The following DPP10 variants were observed in gnomAD, a reference collection of about 807,000 sequenced individuals.
The protein encoded by DPP10 is dipeptidyl peptidase like 10, also known as inactive dipeptidyl peptidase 10.
Under a neutral mutation model 120.9 loss-of-function variants are expected in DPP10, and 33 were observed. That is an observed-to-expected ratio of 0.27 (90% CI 0.21 to 0.37). DPP10 has a LOEUF of 0.37. Among genes scored for constraint, DPP10 ranks in the 10% least tolerant of loss-of-function variants. DPP10 has a pLI of 1.00. For synonymous variants in DPP10, 337 were observed against 326.1 expected, an observed-to-expected ratio of 1.03 and a Z score of -0.36; for missense variants, 816 against 942.8, an observed-to-expected ratio of 0.87 and a Z score of 1.76.
chr2:115,776,672 T>TA (rs755481258), intron 13 of DPP10, among the ~76,000 whole-genome samples: 41 of 152,268 alleles, frequency 2.7e-4, no homozygotes, highest in Non-Finnish European at 4.9e-4. Context: ...ACCTGTTTTT[T>TA]ACATATTAAA....
intron 1 of DPP10, among the ~76,000 whole-genome samples, chr2:115,189,123 C>A (rs191156274): frequency 9.2e-5 from 14 of 152,190 alleles, no homozygotes; most frequent in Admixed American, 9.2e-4. Context: ...AGTTTTACTT[C>A]TATAGAAGGG....
intron 1 of DPP10, among the ~76,000 whole-genome samples, chr2:114,979,770 C>A (rs1367254170): frequency 3.3e-5 from 5 of 151,872 alleles, no homozygotes; most frequent in Non-Finnish European, 7.4e-5. Context: ...AGTAAATATA[C>A]CAGTAAATTA....
intron 1 of DPP10, among the ~76,000 whole-genome samples, chr2:115,230,287 C>T (rs2057672382): frequency 6.6e-6 from 1 of 151,890 alleles, no homozygotes; most frequent in Admixed American, 6.6e-5. Context: ...TGCAGCTTTA[C>T]TGAATTTGTT....
chr2:115,777,851 G>T lies in DPP10; in HGVS notation c.1361+17G>T. The T allele has an allele frequency of 6.2e-7, 1 of 1,612,658 alleles. No individual in the cohort carries two copies. Among genetic ancestry groups the T allele is most frequent in the African/African-American group, 1.3e-5 (1 of 74,956 alleles). ...GCTGTACAGGTAAGCAGTGTGCAAG[G>T]ATCTCCTTACACAGATTGGCTTCTC... On this transcript the variant is annotated intron_variant, in intron 15 of 25. Transcript: ENST00000410059.
intron 5 of DPP10, among the ~76,000 whole-genome samples, chr2:115,585,667 G>A (rs546767794): frequency 2.4e-4 from 37 of 152,094 alleles, no homozygotes; most frequent in Non-Finnish European, 3.5e-4. Context: ...ATAATCCATT[G>A]GTATCTTCCC....
At chr2:115,621,742 C>T (rs545572380) in intron 5 of DPP10, among the ~76,000 whole-genome samples, 2 of 152,238 alleles carry the variant, frequency 1.3e-5, no homozygotes, top group African/African-American at 4.8e-5. Flanking sequence ...GGCAATGTTG[C>T]GATCTCGGCT....
At position 115,016,236 on chromosome 2, in the gene DPP10, C is replaced by G. The variant is rs191853961; in HGVS notation, c.61-293003C>G. Among the ~76,000 whole-genome samples the G allele has an allele frequency of 2.6e-5, 4 of 152,154 alleles. No individual in the cohort carries two copies. In the South Asian group the frequency reaches 8.3e-4, roughly 32 times the overall value. ...ACCATCTGATCTTTGACCAGCCTGA[C>G]GAAAACAAGCAATGGGGAAAGGATT... On this transcript the variant is annotated intron_variant, in intron 1 of 25. Transcript: ENST00000410059.
At chr2:115,818,145 A>C (rs1054304931) in intron 21 of DPP10, among the ~76,000 whole-genome samples, 8 of 152,158 alleles carry the variant, frequency 5.3e-5, no homozygotes, top group African/African-American at 1.9e-4. Flanking sequence ...CTCTTTAGTG[A>C]TTAGCCATTT....
At chr2:115,381,856 A>G (rs2066396370) in intron 3 of DPP10, among the ~76,000 whole-genome samples, 1 of 151,700 alleles carries the variant, frequency 6.6e-6, no homozygotes, top group Non-Finnish European at 1.5e-5. Flanking sequence ...CCTCCCAGTT[A>G]GGCTTCTCGG....
intron 1 of DPP10, among the ~76,000 whole-genome samples, chr2:115,253,681 C>T (rs1182693922): frequency 6.6e-6 from 1 of 152,212 alleles, no homozygotes; most frequent in African/African-American, 2.4e-5. Context: ...TGTTTTACTA[C>T]ATGTCCCACA....
At chr2:114,837,222 G>T in intron 1 of DPP10, among the ~76,000 whole-genome samples, 1 of 152,160 alleles carries the variant, frequency 6.6e-6, no homozygotes, top group East Asian at 1.9e-4. Flanking sequence ...TTCAGAGATT[G>T]CAGTAAAGAC....
At chr2:115,393,765 G>A (rs577062557) in intron 3 of DPP10, among the ~76,000 whole-genome samples, 3 of 152,298 alleles carry the variant, frequency 2.0e-5, no homozygotes, top group African/African-American at 7.2e-5. Flanking sequence ...TTTCAGACTT[G>A]ATCTGTCTAG....
At chr2:114,725,216 G>A (rs1270649923) in intron 1 of DPP10, among the ~76,000 whole-genome samples, 1 of 152,090 alleles carries the variant, frequency 6.6e-6, no homozygotes, top group African/African-American at 2.4e-5. Context: ...AATTATATCT[G>A]ATGCCTCAGC....
At chr2:115,383,122 G>T (rs982888937) in intron 3 of DPP10, among the ~76,000 whole-genome samples, 1 of 152,202 alleles carries the variant, frequency 6.6e-6, no homozygotes, top group Non-Finnish European at 1.5e-5. Context: ...TGAGTTTTCA[G>T]ATTAAAGAAT....
At chr2:114,703,910 G>T (rs552269063) in intron 1 of DPP10, among the ~76,000 whole-genome samples, 59 of 152,092 alleles carry the variant, frequency 3.9e-4, no homozygotes, top group Non-Finnish European at 7.1e-4. Context: ...GACCAGCTAT[G>T]AAAGAAAGAA....
intron 1 of DPP10, chr2:115,064,710 G>T (rs1366668763): frequency 3.1e-6 from 4 of 1,302,670 alleles, no homozygotes; most frequent in African/African-American, 1.5e-5. Context: ...GTAAGATTCT[G>T]TGAGGGTGAG....
intron 3 of DPP10, among the ~76,000 whole-genome samples, chr2:115,345,242 T>G (rs2063653263): frequency 6.6e-6 from 1 of 152,210 alleles, no homozygotes; most frequent in South Asian, 2.1e-4. Context: ...TTAATGAATC[T>G]GTATATTTTT....
In DPP10 at chr2:115,840,769, C is replaced by A. The variant is rs1197657066; in HGVS notation, c.2202C>A (p.His734Gln). ...GTADTKVHFQHSAELIKHLIK... is the reference protein window; with the variant it reads ...GTADTKVHFQQSAELIKHLIK... ...TTGCAGCAAAAGTTCATTTCCAACA[C>A]TCAGCAGAATTAATCAAGCACCTAA... Residue 734 changes from histidine (H) to glutamine (Q), a missense_variant, in exon 25 of 26, where the codon CAC becomes CAA. His to Gln is a conservative substitution (Grantham distance 24, BLOSUM62 0). Transcript: ENST00000410059. The A allele has an allele frequency of 8.7e-6, 14 of 1,613,692 alleles. No individual in the cohort carries two copies. Among genetic ancestry groups the A allele is most frequent in the Non-Finnish European group, 1.2e-5 (14 of 1,179,840 alleles).
chr2:114,745,192 A>C (rs770733678), intron 1 of DPP10, among the ~76,000 whole-genome samples: 1 of 152,200 alleles, frequency 6.6e-6, no homozygotes, highest in Non-Finnish European at 1.5e-5. Context: ...TTCCTTTTGA[A>C]GTGTTTTGAA....
Sources: gnomAD v4.1 joint callset for allele counts (sites outside exome capture counted in the v4.1 genomes callset) on GRCh38, gnomAD v4.1.1 for gene constraint, MANE v1.5 for transcripts, NCBI Gene and HGNC (gene_info 2026-07-23, HGNC 2026-07-21) for gene names.